The following OR4D1 variants were observed in gnomAD, a reference collection of about 807,000 sequenced individuals.
The protein encoded by OR4D1 is olfactory receptor family 4 subfamily D member 1.
A neutral mutation model predicts 14.2 loss-of-function variants in OR4D1; 10 were observed. The ratio of observed to expected loss-of-function variants is 0.71; its 90% CI spans 0.44 to 1.20. The LOEUF (loss-of-function observed/expected upper bound fraction) is 1.20, where lower values mean the gene tolerates loss of function less well. OR4D1 is among the 50% of genes most tolerant of loss of function. OR4D1 has a pLI of 0.00. For missense variants in OR4D1, 345 were observed against 376.6 expected (o/e 0.92, Z 0.70); for synonymous variants, 141 against 147.4 (o/e 0.96, Z 0.32).
Position 58,156,126 on chromosome 17 carries a change from A to G in OR4D1, c.*40A>G, listed in dbSNP as rs757450168. 1 of 1,319,040 alleles carries G rather than the reference A, an allele frequency of 7.6e-7. No homozygotes were observed. The highest frequency in any genetic ancestry group is 1.5e-5 in the South Asian group (1 of 68,632). The allele number at this position is 1,319,040 out of a possible 1,614,324, so 81.7% of individuals were successfully genotyped here. A position where few individuals can be genotyped will look rare whatever the true frequency, so the allele number is the denominator to read the frequency against. ...GACTTTAAATGACAAATTTCTCTGGATTTTTATTTTCCCACATGAAAAATG... is the reference window on the plus strand; with the variant it reads ...GACTTTAAATGACAAATTTCTCTGGGTTTTTATTTTCCCACATGAAAAATG... On this transcript the variant is annotated 3_prime_UTR_variant, in exon 4 of 4. Coordinates refer to ENST00000268912, the MANE Select transcript of OR4D1 (RefSeq NM_001386095.1).
intron 2 of OR4D1, among the ~76,000 whole-genome samples, chr17:58,151,469 G>T (rs759485998): frequency 6.6e-6 from 1 of 152,050 alleles, no homozygotes; most frequent in East Asian, 1.9e-4. Context: ...TCACGTGTCC[G>T]TGTGTTCTCA....
At chr17:58,151,689 A>G (rs1967706713) in intron 2 of OR4D1, among the ~76,000 whole-genome samples, 1 of 152,216 alleles carries the variant, frequency 6.6e-6, no homozygotes, top group Non-Finnish European at 1.5e-5. Flanking sequence ...ATCAAATCCC[A>G]TAGAGTTAAA....
At chr17:58,151,494 C>G (rs538115088) in intron 2 of OR4D1, among the ~76,000 whole-genome samples, 133 of 152,296 alleles carry the variant, frequency 8.7e-4, no homozygotes, top group African/African-American at 3.1e-3. Flanking sequence ...TCAGCTCCCA[C>G]TTGTAAGTGA....
Position 58,155,914 on chromosome 17 carries a change from G to A in OR4D1, c.761G>A (p.Cys254Tyr). 1 of 1,614,050 alleles carries A rather than the reference G, an allele frequency of 6.2e-7. No individual in the cohort carries two copies. Among genetic ancestry groups the A allele is most frequent in the Non-Finnish European group, 8.5e-7 (1 of 1,180,012 alleles). The change falls in exon 4 of 4, where the codon TGT becomes TAT. Residue 254 changes from cysteine to tyrosine, a missense_variant. Cys to Tyr is a radical substitution (Grantham distance 194). Transcript: ENST00000268912. ...GTGGTGTCCATGATCTTCATTCCCT[G>A]TATCTATATCTATACCTGGCCCTTC... is the stretch of plus-strand genomic sequence containing the variant. ...IIVVSMIFIP[C>Y]IYIYTWPFTP...
In OR4D1 at chr17:58,158,995, C is replaced by T. The variant is rs182768539; in HGVS notation, c.*2909C>T. The T allele has an allele frequency of 6.6e-6, 1 of 152,210 alleles. No homozygotes were observed. The highest frequency in any genetic ancestry group is 1.5e-5 in the Non-Finnish European group (1 of 68,030). The allele number at this position is 152,210 out of a possible 1,614,324, so 9.4% of individuals were successfully genotyped here. A position where few individuals can be genotyped will look rare whatever the true frequency, so the allele number is the denominator to read the frequency against. On this transcript the variant is annotated 3_prime_UTR_variant, in exon 4 of 4. Transcript: ENST00000268912. Reference sequence around the variant, plus strand: ...TCACCTTCCTCTCCATCTCTCCCATCCCTCCAGTATGCCTTTACCCCTTTG... The same window carrying T: ...TCACCTTCCTCTCCATCTCTCCCATTCCTCCAGTATGCCTTTACCCCTTTG...
rs771302998 is a variant in OR4D1, at chr17:58,155,370, T to G, written c.217T>G (p.Tyr73Asp). 1.9e-6 allele frequency: 3 copies of G among 1,614,090 alleles called. No homozygotes were observed. Among genetic ancestry groups the G allele is most frequent in the Non-Finnish European group, 2.5e-6 (3 of 1,180,032 alleles). Reference protein sequence around the residue: ...LRNLALIDLCYSTVTSPKMLV... With the variant: ...LRNLALIDLCDSTVTSPKMLV... ...AAATCTAGCTCTCATAGACCTCTGC[T>G]ATTCCACAGTCACCTCTCCAAAGAT... is the stretch of plus-strand genomic sequence containing the variant. Residue 73 changes from tyrosine to aspartate, a missense_variant, in exon 4 of 4, where the codon TAT becomes GAT. Physicochemically the swap from Tyr to Asp is radical, Grantham distance 160 (BLOSUM62 -3). Transcript: ENST00000268912.
chr17:58,152,012 T>C (rs1199660663), intron 2 of OR4D1, among the ~76,000 whole-genome samples: 2 of 152,262 alleles, frequency 1.3e-5, no homozygotes, highest in African/African-American at 4.8e-5. Context: ...TTCTCAATAA[T>C]GCTGAGTATT....
In OR4D1 at chr17:58,158,142, A is replaced by G. The variant is rs1480771394; in HGVS notation, c.*2056A>G. ...CAAATTATTTTAAAAGGCAAAATTT[A>G]TATACATATGTGCTTTTTTCCTATA... On this transcript the variant is annotated 3_prime_UTR_variant, in exon 4 of 4. Transcript: ENST00000268912. The G allele has an allele frequency of 6.5e-6, 1 of 153,114 alleles. No individual in the cohort carries two copies. Among genetic ancestry groups the G allele is most frequent in the African/African-American group, 2.4e-5 (1 of 41,476 alleles). The allele number at this position is 153,114 out of a possible 1,614,324, so 9.5% of individuals were successfully genotyped here. A position where few individuals can be genotyped will look rare whatever the true frequency, so the allele number is the denominator to read the frequency against.
At position 58,155,391 on chromosome 17, in the gene OR4D1, A is replaced by G. The variant is rs776427441; in HGVS notation, c.238A>G (p.Lys80Glu). 4 of 1,613,930 alleles carry G rather than the reference A, an allele frequency of 2.5e-6. No individual in the cohort carries two copies. The highest frequency in any genetic ancestry group is 2.5e-6 in the Non-Finnish European group (3 of 1,179,978). The part of the protein sequence containing the change: ...DLCYSTVTSP[K>E]MLVDFLHETK... ...CTGCTATTCCACAGTCACCTCTCCAAAGATGCTGGTGGACTTCCTCCATGA... is the reference window on the plus strand; with the variant it reads ...CTGCTATTCCACAGTCACCTCTCCAGAGATGCTGGTGGACTTCCTCCATGA... The change falls in exon 4 of 4, where the codon AAG (lysine) becomes GAG (glutamate). Residue 80 changes from lysine (K) to glutamate (E), a missense_variant. By Grantham distance (56) the Lys-to-Glu change is moderately conservative. Transcript: ENST00000268912.
chr17:58,149,167 C>T (rs947738352), intron 1 of OR4D1, among the ~76,000 whole-genome samples: 18 of 152,156 alleles, frequency 1.2e-4, no homozygotes, highest in South Asian at 2.1e-4. Flanking sequence ...CTAGAATCCT[C>T]CCCTTTCCCC....
In OR4D1 at chr17:58,156,261, T is replaced by C. The variant is rs528472052; in HGVS notation, c.*175T>C. 2.4e-5 allele frequency: 14 copies of C among 579,232 alleles called. No individual in the cohort carries two copies. Among genetic ancestry groups the C allele is most frequent in the Admixed American group, 1.6e-4 (5 of 30,448 alleles). The allele number at this position is 579,232 out of a possible 1,614,324, so 35.9% of individuals were successfully genotyped here. On this transcript the variant is annotated 3_prime_UTR_variant, in exon 4 of 4. Transcript: ENST00000268912. Reference sequence around the variant, plus strand: ...CACTTCCACGCTTTTTTTCTTTTTTTTTTTTTTTAGATGGAGCCTTGCTCT... The same window carrying C: ...CACTTCCACGCTTTTTTTCTTTTTTCTTTTTTTTAGATGGAGCCTTGCTCT...
intron 2 of OR4D1, among the ~76,000 whole-genome samples, chr17:58,150,164 G>A (rs1158747390): frequency 1.3e-5 from 2 of 152,166 alleles, no homozygotes; most frequent in African/African-American, 4.8e-5. Flanking sequence ...CTACTATTAA[G>A]TGGCAGATGG....
rs1321112132 is a variant in OR4D1 at position 58,159,040 on chromosome 17, T to A, written c.*2954T>A. 6.6e-6 allele frequency: 1 copy of A among 152,148 alleles called. No individual in the cohort carries two copies. The highest frequency in any genetic ancestry group is 1.5e-5 in the Non-Finnish European group (1 of 68,020). 9.4% of individuals were successfully genotyped at this position (152,148 alleles called of 1,614,324 possible). ...CCTTTGAAAGGGTGCCTTGTACAAT[T>A]GTATATATTTTATTGAAGAGTTATT... is the stretch of plus-strand genomic sequence containing the variant. On this transcript the variant is annotated 3_prime_UTR_variant, in exon 4 of 4. Transcript: ENST00000268912.
intron 3 of OR4D1, among the ~76,000 whole-genome samples, 189 bp downstream of exon 3, chr17:58,154,152 G>T (rs1260114587): frequency 4.0e-5 from 6 of 150,864 alleles, no homozygotes; most frequent in Admixed American, 6.6e-5. Context: ...AGAGGTAGGG[G>T]TCTAGCTATG....
At position 58,157,103 on chromosome 17, in the gene OR4D1, G is replaced by T. The variant is rs532487173; in HGVS notation, c.*1017G>T. ...GGCCTGGGGACGCCGAGGCGGCCGC[G>T]GAGGAGCGCCGCGTCAAGGTCTCCA... On this transcript the variant is annotated 3_prime_UTR_variant, in exon 4 of 4. Coordinates refer to ENST00000268912, the MANE Select transcript of OR4D1 (RefSeq NM_001386095.1). The T allele has an allele frequency of 3.4e-6, 5 of 1,465,156 alleles. No homozygotes were observed. Among genetic ancestry groups the T allele is most frequent in the Non-Finnish European group, 4.5e-6 (5 of 1,101,376 alleles). 90.8% of individuals were successfully genotyped at this position (1,465,156 alleles called of 1,614,324 possible). A position where few individuals can be genotyped will look rare whatever the true frequency, so the allele number is the denominator to read the frequency against.
intron 2 of OR4D1, among the ~76,000 whole-genome samples, chr17:58,152,086 T>C (rs28580869): frequency 2.0e-3 from 304 of 152,364 alleles, no homozygotes; most frequent in African/African-American, 7.0e-3. Context: ...ATATTTTATC[T>C]TTAACTTTTT....
rs539273216 is a variant in OR4D1, at chr17:58,155,271, G to T, written c.118G>T (p.Val40Leu). 1 of 1,614,080 alleles carries T rather than the reference G, an allele frequency of 6.2e-7. No individual in the cohort carries two copies. Among genetic ancestry groups the T allele is most frequent in the South Asian group, 1.1e-5 (1 of 91,076 alleles). ...CCTGTTAGTCTATGTTACCACCATT[G>T]TGGGAAACCTCCTTATCATGGTCAC... ...LFLLVYVTTI[V>L]GNLLIMVTVT... The change falls in exon 4 of 4, where the codon GTG (valine) becomes TTG (leucine). Residue 40 changes from valine to leucine, a missense_variant. By Grantham distance (32) the Val-to-Leu change is conservative. Transcript: ENST00000268912.
chr17:58,150,364 A>T (rs1967686065), intron 2 of OR4D1, among the ~76,000 whole-genome samples: 1 of 152,220 alleles, frequency 6.6e-6, no homozygotes, highest in African/African-American at 2.4e-5. Context: ...AATGGACCAA[A>T]ACCTGGAGGC....
chr17:58,151,638 A>G (rs1253649879), intron 2 of OR4D1, among the ~76,000 whole-genome samples: 1 of 152,212 alleles, frequency 6.6e-6, no homozygotes, highest in Non-Finnish European at 1.5e-5. Context: ...ATTCCCTTAT[A>G]AGAGCATCAG....
Sources: gnomAD v4.1 joint callset for allele counts (sites outside exome capture counted in the v4.1 genomes callset) on GRCh38, gnomAD v4.1.1 for gene constraint, MANE v1.5 for transcripts, NCBI Gene and HGNC (gene_info 2026-07-23, HGNC 2026-07-21) for gene names.